DNAH17: variants seen among roughly 807,000 people sequenced by gnomAD.
DNAH17 encodes the protein dynein axonemal heavy chain 17.
In DNAH17, 376 loss-of-function variants were observed where a neutral mutation model predicts 485.6. The ratio of observed to expected loss-of-function variants is 0.77; its 90% CI spans 0.71 to 0.84. DNAH17 has a LOEUF of 0.84. Among genes scored for constraint, DNAH17 ranks in the 40% least tolerant of loss-of-function variants. The probability of loss-of-function intolerance (pLI) is 0.00; values close to 1 mark genes in which losing one functional copy is unlikely to be tolerated. For missense variants in DNAH17, 6,370 were observed against 5,839.3 expected (o/e 1.09, Z -2.96); for synonymous variants, 3,031 against 2,405.9 (o/e 1.26, Z -7.60).
chr17:78,543,213 C>T (rs2091649968), intron 17 of DNAH17, among the ~76,000 whole-genome samples: 1 of 152,200 alleles, frequency 6.6e-6, no homozygotes, highest in South Asian at 2.1e-4. Context: ...CTCCCAGGGT[C>T]AAGCGATTCT....
intron 77 of DNAH17, among the ~76,000 whole-genome samples, chr17:78,428,024 G>A (rs868449997): frequency 3.3e-5 from 5 of 150,266 alleles, no homozygotes; most frequent in Middle Eastern, 3.2e-3. Context: ...GAGCCACCCA[G>A]ACAAGCGAGA....
Position 78,509,414 on chromosome 17 carries a change from C to T in DNAH17, c.4236+970G>A, listed in dbSNP as rs117602680. ...GATTATAGGCAGGAGCCCCCACCCT[C>T]TGCTGTTGAATATGTGCTGATTACA... On this transcript the variant is annotated intron_variant, in intron 27 of 80. Transcript: ENST00000389840. Among the ~76,000 whole-genome samples, 24 of 152,364 alleles carry T rather than the reference C, an allele frequency of 1.6e-4. No individual in the cohort carries two copies. In the East Asian group the frequency reaches 4.4e-3, roughly 28 times the overall value.
At chr17:78,544,670 C>T (rs561094125) in intron 16 of DNAH17, among the ~76,000 whole-genome samples, 16 of 152,032 alleles carry the variant, frequency 1.1e-4, no homozygotes, top group South Asian at 2.1e-4. Context: ...CGCATGGTGG[C>T]GGGCACCTGT....
rs780865885 is a variant in DNAH17 at position 78,514,919 on chromosome 17, A to G, written c.3968T>C (p.Leu1323Ser). 3.1e-6 allele frequency: 5 copies of G among 1,613,914 alleles called. No individual in the cohort carries two copies. The highest frequency in any genetic ancestry group is 4.2e-6 in the Non-Finnish European group (5 of 1,179,898). Residue 1323 changes from leucine to serine, a missense_variant, in exon 26 of 81, where the codon TTG becomes TCG. Coordinates refer to ENST00000389840, the MANE Select transcript of DNAH17 (RefSeq NM_173628.4). ...CKKFAKDMRSLDKEMKTWDAF... is the reference protein window; with the variant it reads ...CKKFAKDMRSSDKEMKTWDAF... ...ATCCCAGGTTTTCATCTCCTTGTCC[A>G]AAGACCTCATGTCCTTGGCAAACTT...
chr17:78,513,402 T>C (rs73383692), intron 26 of DNAH17, among the ~76,000 whole-genome samples: 14,778 of 152,240 alleles, frequency 0.097, 933 homozygotes, highest in East Asian at 0.26. Flanking sequence ...AGGGGAAATC[T>C]GCATTCTGTA....
At chr17:78,463,710 G>A (rs1366072414) in intron 56 of DNAH17, among the ~76,000 whole-genome samples, 7 of 152,254 alleles carry the variant, frequency 4.6e-5, no homozygotes, top group African/African-American at 9.6e-5. Flanking sequence ...CCAAGGCTGG[G>A]TCCTGGGATT....
intron 71 of DNAH17, among the ~76,000 whole-genome samples, chr17:78,441,912 C>CTG (rs2087091705): frequency 6.6e-6 from 1 of 152,014 alleles, no homozygotes; most frequent in Admixed American, 6.6e-5. Flanking sequence ...TGACAAAACC[C>CTG]TCTCTACTAA....
At chr17:78,573,756 G>T (rs1008955331) in intron 2 of DNAH17, among the ~76,000 whole-genome samples, 1 of 152,156 alleles carries the variant, frequency 6.6e-6, no homozygotes, top group Non-Finnish European at 1.5e-5. Flanking sequence ...AAGGAGAGAG[G>T]CCTTGGGGAA....
chr17:78,495,238 C>T (rs759950435), intron 38 of DNAH17, 141 bp from the exon 39 acceptor site: 16 of 1,143,866 alleles, frequency 1.4e-5, no homozygotes, highest in East Asian at 7.9e-5. Context: ...GTCCTGGAGC[C>T]GGGCTCCCAG....
chr17:78,488,221 G>A (rs547761152), intron 44 of DNAH17, among the ~76,000 whole-genome samples: 28 of 152,318 alleles, frequency 1.8e-4, no homozygotes, highest in African/African-American at 6.7e-4. Flanking sequence ...TGCGAGACAG[G>A]CCGACTTTCT....
rs1262189573 is a variant in DNAH17, at chr17:78,460,154, C to T, written c.9435+8G>A. 6.2e-7 allele frequency: 1 copy of T among 1,601,190 alleles called. No homozygotes were observed. The highest frequency in any genetic ancestry group is 1.7e-5 in the Admixed American group (1 of 58,360). On this transcript the variant is annotated splice_region_variant and intron_variant, in intron 59 of 80. Transcript: ENST00000389840. ...CCAGGGGTCCCCTTTCTTTCCCTCC[C>T]CCTTTACCTTATTCAGAGTGTCCAG...
At chr17:78,546,269 G>A (rs564752395) in intron 16 of DNAH17, among the ~76,000 whole-genome samples, 1 of 152,080 alleles carries the variant, frequency 6.6e-6, no homozygotes, top group Non-Finnish European at 1.5e-5. Context: ...GTCAATTATT[G>A]GAAGTTTCAT....
chr17:78,536,983 G>A (rs1005392585), intron 19 of DNAH17, among the ~76,000 whole-genome samples: 5 of 151,900 alleles, frequency 3.3e-5, no homozygotes, highest in South Asian at 4.2e-4. Flanking sequence ...AGACCATCCT[G>A]GCTAACACGG....
At chr17:78,432,909 C>CA (rs144054689) in intron 75 of DNAH17, among the ~76,000 whole-genome samples, 23,950 of 120,720 alleles carry the variant, frequency 0.2, 3,557 homozygotes, top group African/African-American at 0.24. Flanking sequence ...CGTGCCCCCC[C>CA]CCCCCGACCC....
At chr17:78,501,455 C>T (rs1395935852) in intron 34 of DNAH17, 111 bp from the exon 35 acceptor site, 4 of 1,343,514 alleles carry the variant, frequency 3.0e-6, no homozygotes, top group Non-Finnish European at 4.0e-6. Flanking sequence ...GGGAACCCTC[C>T]CTGGCCCTCT....
In DNAH17 at chr17:78,475,795, G is replaced by A. The variant is rs369713321; in HGVS notation, c.8193C>T (p.Ile2731=). The A allele has an allele frequency of 3.1e-6, 5 of 1,613,682 alleles. No individual in the cohort carries two copies. The African/African-American group carries it at 4.0e-5, about 13-fold the overall frequency. Residue 2731 remains isoleucine (I), a synonymous_variant, in exon 53 of 81, where the codon ATC becomes ATT. Transcript: ENST00000389840. ...CAATCCCTTGAGCAAAGTGGCAGAA[G>A]ATATTTGGCTTGGCAAATAAGAGTT... is the stretch of plus-strand genomic sequence containing the variant. ...GDELLFAKPN[I]FCHFAQGIGD... is the part of the protein sequence containing the mutation.
intron 26 of DNAH17, among the ~76,000 whole-genome samples, chr17:78,514,181 CA>C (rs1489968100): frequency 6.6e-6 from 1 of 152,024 alleles, no homozygotes; most frequent in African/African-American, 2.4e-5. Flanking sequence ...GAGCCCAGTG[CA>C]AAATGGAAAT....
intron 51 of DNAH17, among the ~76,000 whole-genome samples, chr17:78,477,987 CCATCACCACCACCATCATCACCATCAT>C (rs2089128003): frequency 7.4e-6 from 1 of 135,568 alleles, no homozygotes; most frequent in African/African-American, 3.4e-5. Context: ...ATCATCACCA[CCATCACCACCACCATCATCACCATCAT>C]CACCATCACC....
chr17:78,561,269 C>G (rs1011005228), intron 12 of DNAH17, among the ~76,000 whole-genome samples: 1 of 151,832 alleles, frequency 6.6e-6, no homozygotes, highest in African/African-American at 2.4e-5. Context: ...AGCAAATACG[C>G]CCCCCAAACA....
Sources: gnomAD v4.1 joint callset for allele counts (sites outside exome capture counted in the v4.1 genomes callset) on GRCh38, gnomAD v4.1.1 for gene constraint, MANE v1.5 for transcripts, NCBI Gene and HGNC (gene_info 2026-07-23, HGNC 2026-07-21) for gene names.